Variants in SEMA3A observed in about 807,000 individuals in gnomAD.
SEMA3A encodes the protein semaphorin 3A.
Under a neutral mutation model 97.9 loss-of-function variants are expected in SEMA3A, and 29 were observed. The ratio of observed to expected loss-of-function variants is 0.30; its 90% confidence interval spans 0.22 to 0.40. SEMA3A has a LOEUF of 0.40. SEMA3A is among the 10% of genes least tolerant of loss of function. SEMA3A has a pLI of 1.00. For missense variants in SEMA3A, 763 were observed against 951.3 expected (o/e 0.80, Z 2.60); for synonymous variants, 321 against 323.7 (o/e 0.99, Z 0.09).
chr7:84,315,781 A>G (rs1010169137), intron 2 of SEMA3A, among the ~76,000 whole-genome samples: 2 of 152,222 alleles, frequency 1.3e-5, no homozygotes, highest in South Asian at 4.1e-4. Flanking sequence ...TGTGATAACT[A>G]GGTTTTATAT....
intron 1 of SEMA3A, among the ~76,000 whole-genome samples, chr7:84,382,250 G>T (rs1369960791): frequency 4.0e-5 from 6 of 151,728 alleles, no homozygotes; most frequent in Non-Finnish European, 7.4e-5. Flanking sequence ...TGGGATTACA[G>T]GTGCCTGCCG....
chr7:84,439,814 G>C (rs1805229640), intron 1 of SEMA3A, among the ~76,000 whole-genome samples: 1 of 152,014 alleles, frequency 6.6e-6, no homozygotes, highest in African/African-American at 2.4e-5. Flanking sequence ...ATAGAAACAA[G>C]GCAAATGGAA....
intron 2 of SEMA3A, among the ~76,000 whole-genome samples, chr7:84,338,863 G>T (rs2115978381): frequency 6.6e-6 from 1 of 152,304 alleles, no homozygotes; most frequent in East Asian, 1.9e-4. Flanking sequence ...AAGTGAACTT[G>T]TTTTAATCAC....
chr7:84,163,031 G>A (rs1296634741), intron 1 of SEMA3A, among the ~76,000 whole-genome samples: 1 of 152,156 alleles, frequency 6.6e-6, no homozygotes, highest in Non-Finnish European at 1.5e-5. Context: ...TTGCTGGTAA[G>A]TCAAGAAACT....
At chr7:84,453,239 C>CTT (rs774894152) in intron 1 of SEMA3A, among the ~76,000 whole-genome samples, 27 of 128,904 alleles carry the variant, frequency 2.1e-4, no homozygotes, top group Non-Finnish European at 2.9e-4. Context: ...GACTTTGTTT[C>CTT]TTTTTTTTTT....
chr7:84,269,172 G>A (rs1169348673), intron 3 of SEMA3A, among the ~76,000 whole-genome samples: 1 of 151,770 alleles, frequency 6.6e-6, no homozygotes, highest in African/African-American at 2.4e-5. Context: ...ATACTGTATT[G>A]TTTAGTAATT....
At chr7:84,401,422 A>G (rs899348020) in intron 1 of SEMA3A, among the ~76,000 whole-genome samples, 1 of 151,970 alleles carries the variant, frequency 6.6e-6, no homozygotes, top group Non-Finnish European at 1.5e-5. Flanking sequence ...AATGTTGATG[A>G]TACCGAATGC....
Position 84,007,341 on chromosome 7 carries a change from T to C in SEMA3A, c.1140+12A>G. 1 of 1,589,062 alleles carries C rather than the reference T, an allele frequency of 6.3e-7. No homozygotes were observed. Among genetic ancestry groups the C allele is most frequent in the Non-Finnish European group, 8.6e-7 (1 of 1,168,468 alleles). On this transcript the variant is annotated intron_variant, in intron 10 of 16. Transcript: ENST00000265362. ...ATATTCATTTCATATTTTAAACACC[T>C]AAGCTACTTACAGTTCCTGGCCGTG...
intron 4 of SEMA3A, among the ~76,000 whole-genome samples, chr7:84,069,543 T>C (rs1793664009): frequency 1.3e-5 from 2 of 152,124 alleles, no homozygotes; most frequent in East Asian, 1.9e-4. Flanking sequence ...GTAAATATTT[T>C]GACCTTTCAC....
intron 4 of SEMA3A, among the ~76,000 whole-genome samples, chr7:84,088,883 C>T (rs1794474238): frequency 6.6e-6 from 1 of 151,762 alleles, no homozygotes; most frequent in Non-Finnish European, 1.5e-5. Flanking sequence ...AGAAGCCTCC[C>T]TTGTTGCTCA....
intron 3 of SEMA3A, among the ~76,000 whole-genome samples, chr7:84,283,096 A>G (rs1403700508): frequency 6.6e-5 from 10 of 152,130 alleles, no homozygotes; most frequent in Admixed American, 6.6e-4. Context: ...ACAGGTTAAT[A>G]TAAGTTGTTA....
intron 3 of SEMA3A, among the ~76,000 whole-genome samples, chr7:84,288,543 C>G (rs1189445593): frequency 6.6e-6 from 1 of 151,950 alleles, no homozygotes; most frequent in African/African-American, 2.4e-5. Flanking sequence ...ACTAAAAACA[C>G]AGAAATTAGC....
intron 4 of SEMA3A, among the ~76,000 whole-genome samples, chr7:84,076,725 A>T (rs1318984155): frequency 6.6e-6 from 1 of 152,106 alleles, no homozygotes; most frequent in Non-Finnish European, 1.5e-5. Flanking sequence ...ATATAAAGTC[A>T]CTTTGTTTCT....
chr7:84,252,132 A>G (rs1799624404), intron 3 of SEMA3A, among the ~76,000 whole-genome samples: 1 of 152,200 alleles, frequency 6.6e-6, no homozygotes, highest in Admixed American at 6.5e-5. Flanking sequence ...TAGAAAGTAC[A>G]TCCTCCCAGC....
intron 1 of SEMA3A, among the ~76,000 whole-genome samples, chr7:84,442,365 G>A (rs1805293182): frequency 6.6e-6 from 1 of 152,042 alleles, no homozygotes; most frequent in Non-Finnish European, 1.5e-5. Flanking sequence ...CAGAGAGTTT[G>A]TATTTTATTG....
intron 4 of SEMA3A, among the ~76,000 whole-genome samples, chr7:84,100,971 G>A (rs1005235972): frequency 1.3e-5 from 2 of 152,026 alleles, no homozygotes; most frequent in African/African-American, 4.8e-5. Flanking sequence ...TCTCATCCAT[G>A]TCCCTGCTAT....
At chr7:84,360,875 C>A (rs1802701332) in intron 2 of SEMA3A, among the ~76,000 whole-genome samples, 1 of 151,758 alleles carries the variant, frequency 6.6e-6, no homozygotes, top group Admixed American at 6.6e-5. Context: ...CTCACTGCAA[C>A]CTCTGCCATG....
chr7:84,134,269 C>A lies in SEMA3A; in HGVS notation c.270+525G>T, dbSNP rs187124286. Among the ~76,000 whole-genome samples, 18 of 152,214 alleles carry A rather than the reference C, an allele frequency of 1.2e-4. No individual in the cohort carries two copies. The East Asian group carries it at 2.9e-3, about 24-fold the overall frequency. On this transcript the variant is annotated intron_variant, in intron 2 of 16. Coordinates refer to ENST00000265362, the MANE Select transcript of SEMA3A (RefSeq NM_006080.3). ...AATCATTTTTGTAGACCAGTTGATA[C>A]CCTTTGTAACTATTGAATTCTGCTG...
chr7:84,416,180 AC>A (rs1419178088), intron 1 of SEMA3A, among the ~76,000 whole-genome samples: 1 of 152,130 alleles, frequency 6.6e-6, no homozygotes, highest in Admixed American at 6.6e-5. Flanking sequence ...TCAGAGGAAC[AC>A]AGTGGGAGGT....
Sources: allele counts gnomAD v4.1 joint callset (sites outside exome capture counted in the v4.1 genomes callset), GRCh38; gene constraint gnomAD v4.1.1; transcripts MANE v1.5; gene names NCBI Gene and HGNC (gene_info 2026-07-23, HGNC 2026-07-21).